SNCAIP: variants seen among roughly 807,000 people sequenced by gnomAD.
The protein encoded by SNCAIP is synuclein alpha interacting protein.
In SNCAIP, 43 loss-of-function variants were observed where a neutral mutation model predicts 86.7. That is an observed-to-expected ratio of 0.50 (90% CI 0.39 to 0.64). The LOEUF is 0.64. Ranked by LOEUF, SNCAIP falls within the 30% of genes least tolerant of loss-of-function variation. The pLI is 0.00. For missense variants in SNCAIP, 981 were observed against 1,103.1 expected, an observed-to-expected ratio of 0.89 and a Z score of 1.57; for synonymous variants, 417 against 427.2, an observed-to-expected ratio of 0.98 and a Z score of 0.29.
rs371106442 is a variant in SNCAIP, at chr5:122,451,435, C to G, written c.2588C>G (p.Ala863Gly). 12 of 1,613,862 alleles carry G rather than the reference C, an allele frequency of 7.4e-6. No homozygotes were observed. The African/African-American group carries it at 1.6e-4, about 22-fold the overall frequency. Residue 863 changes from alanine (A) to glycine (G), a missense_variant, in exon 10 of 11, where the codon GCC (alanine) becomes GGC (glycine). Coordinates refer to ENST00000261368, the MANE Select transcript of SNCAIP (RefSeq NM_005460.4). The part of the protein sequence containing the change: ...SGDQLKRPFG[A>G]FRSIMETLSG... ...GATCAACTGAAAAGGCCTTTTGGAGCCTTTCGATCTATCATGGAGACACTA... is the reference window on the plus strand; with the variant it reads ...GATCAACTGAAAAGGCCTTTTGGAGGCTTTCGATCTATCATGGAGACACTA...
intron 1 of SNCAIP, among the ~76,000 whole-genome samples, chr5:122,318,393 G>A (rs1752243159): frequency 6.6e-6 from 1 of 152,082 alleles, no homozygotes; most frequent in Admixed American, 6.5e-5. Flanking sequence ...GGTACGTATG[G>A]CGTTGGATAT....
intron 2 of SNCAIP, among the ~76,000 whole-genome samples, chr5:122,398,470 T>C (rs1771093632): frequency 6.6e-6 from 1 of 152,168 alleles, no homozygotes; most frequent in African/African-American, 2.4e-5. Flanking sequence ...AAATATTATG[T>C]TCTGAAAATT....
intron 3 of SNCAIP, among the ~76,000 whole-genome samples, chr5:122,411,810 G>T (rs1774194167): frequency 6.6e-6 from 1 of 152,156 alleles, no homozygotes; most frequent in Non-Finnish European, 1.5e-5. Flanking sequence ...AATCCCCAGG[G>T]TATTCGTTTA....
At chr5:122,340,364 G>C (rs902649390) in intron 1 of SNCAIP, among the ~76,000 whole-genome samples, 5 of 152,172 alleles carry the variant, frequency 3.3e-5, no homozygotes, top group East Asian at 1.9e-4. Context: ...TGAACACAGA[G>C]AGCCATCATG....
chr5:122,356,542 T>C (rs996356108), intron 1 of SNCAIP, among the ~76,000 whole-genome samples: 1 of 152,228 alleles, frequency 6.6e-6, no homozygotes, highest in Admixed American at 6.5e-5. Flanking sequence ...TATACACACA[T>C]GTACCTCCAT....
intron 1 of SNCAIP, among the ~76,000 whole-genome samples, chr5:122,317,999 T>G (rs1017016178): frequency 6.6e-6 from 1 of 151,940 alleles, no homozygotes; most frequent in African/African-American, 2.4e-5. Flanking sequence ...AAAGAATAGA[T>G]AAAATTGAAT....
chr5:122,412,013 G>A (rs1205009127), intron 3 of SNCAIP, among the ~76,000 whole-genome samples: 1 of 152,172 alleles, frequency 6.6e-6, no homozygotes, highest in Non-Finnish European at 1.5e-5. Flanking sequence ...TTCAAGGCCA[G>A]AGTGATCTTC....
In SNCAIP at chr5:122,444,649, C is replaced by T. The variant is rs752977644; in HGVS notation, c.1509C>T (p.Thr503=). 7.4e-6 allele frequency: 12 copies of T among 1,613,704 alleles called. No homozygotes were observed. Among genetic ancestry groups the T allele is most frequent in the Middle Eastern group, 1.6e-4 (1 of 6,084 alleles). ...AGAGCGCCGAGCGGCAGGGGCACAC[C>T]CTGTGCTCCAGGTACCTGGTGGTGG... is the stretch of plus-strand genomic sequence containing the variant. ...PSQSAERQGH[T]LCSRYLVVVE... The change falls in exon 8 of 11, where the codon ACC becomes ACT. Residue 503 remains threonine (T), a synonymous_variant. Transcript: ENST00000261368.
intron 1 of SNCAIP, among the ~76,000 whole-genome samples, chr5:122,372,824 T>C (rs1338792061): frequency 6.6e-6 from 1 of 151,974 alleles, no homozygotes; most frequent in African/African-American, 2.4e-5. Context: ...CCCTCCCTTC[T>C]TCCTTCCTTC....
intron 1 of SNCAIP, among the ~76,000 whole-genome samples, chr5:122,327,372 G>A (rs546225684): frequency 3.9e-5 from 6 of 152,128 alleles, no homozygotes; most frequent in South Asian, 2.1e-4. Flanking sequence ...ACATTATTTC[G>A]GGCAGTCATT....
chr5:122,413,691 T>G (rs2152902632), intron 3 of SNCAIP, among the ~76,000 whole-genome samples: 1 of 152,214 alleles, frequency 6.6e-6, no homozygotes, highest in African/African-American at 2.4e-5. Context: ...ACCAATTGCT[T>G]TAACACTCTG....
At chr5:122,348,094 T>C (rs1758986628) in intron 1 of SNCAIP, among the ~76,000 whole-genome samples, 3 of 152,160 alleles carry the variant, frequency 2.0e-5, no homozygotes, top group African/African-American at 2.4e-5. Context: ...CCTCAAAGCA[T>C]TGGGATTCCC....
chr5:122,312,377 G>C (rs1580687705), intron 1 of SNCAIP, 93 bp downstream of exon 1: 1 of 152,684 alleles, frequency 6.5e-6, no homozygotes, highest in South Asian at 2.1e-4. Flanking sequence ...CGACCCCGGC[G>C]GGTGTCGCCC....
At chr5:122,460,024 T>C (rs972159349) in intron 10 of SNCAIP, among the ~76,000 whole-genome samples, 7 of 152,172 alleles carry the variant, frequency 4.6e-5, no homozygotes, top group African/African-American at 1.7e-4. Context: ...ATAGCACTTA[T>C]AAACACTTAT....
At chr5:122,451,697 TC>T in intron 10 of SNCAIP, 96 bp downstream of exon 10, 1 of 908,578 alleles carries the variant, frequency 1.1e-6, no homozygotes, top group Non-Finnish European at 1.7e-6. Context: ...CTTGAGGGAA[TC>T]CCCAGGAAAA....
At chr5:122,401,151 T>C in intron 2 of SNCAIP, 1 of 1,544,968 alleles carries the variant, frequency 6.5e-7, no homozygotes, top group East Asian at 2.5e-5. Context: ...TGACAGTTAC[T>C]TATAAAAGGC....
In SNCAIP at chr5:122,451,430, T is replaced by A. The variant is rs1451651750; in HGVS notation, c.2583T>A (p.Phe861Leu). 6.8e-6 allele frequency: 11 copies of A among 1,614,078 alleles called. No homozygotes were observed. Among genetic ancestry groups the A allele is most frequent in the Non-Finnish European group, 9.3e-6 (11 of 1,180,002 alleles). Residue 861 changes from phenylalanine (F) to leucine (L), a missense_variant, in exon 10 of 11, where the codon TTT (phenylalanine) becomes TTA (leucine). Physicochemically the swap from Phe to Leu is conservative, Grantham distance 22 (BLOSUM62 0). Transcript: ENST00000261368. ...CGGGGGATCAACTGAAAAGGCCTTT[T>A]GGAGCCTTTCGATCTATCATGGAGA... ...NESGDQLKRPFGAFRSIMETL... is the reference protein window; with the variant it reads ...NESGDQLKRPLGAFRSIMETL...
intron 1 of SNCAIP, among the ~76,000 whole-genome samples, chr5:122,376,144 G>A (rs1765264332): frequency 6.6e-6 from 1 of 152,064 alleles, no homozygotes; most frequent in African/African-American, 2.4e-5. Flanking sequence ...GCACTCTAAA[G>A]TTTGAGAATA....
At chr5:122,426,940 G>A (rs938567172) in intron 5 of SNCAIP, among the ~76,000 whole-genome samples, 6 of 152,098 alleles carry the variant, frequency 3.9e-5, no homozygotes, top group Admixed American at 2.6e-4. Flanking sequence ...TAATATTATT[G>A]CTAGTGGATA....
Sources: allele counts gnomAD v4.1 joint callset (sites outside exome capture counted in the v4.1 genomes callset), GRCh38; gene constraint gnomAD v4.1.1; transcripts MANE v1.5; gene names NCBI Gene and HGNC (gene_info 2026-07-23, HGNC 2026-07-21).